The following VPS37A variants were observed in gnomAD, a reference collection of about 807,000 sequenced individuals.
The protein encoded by VPS37A is VPS37A subunit of ESCRT-I.
A neutral mutation model predicts 49.8 loss-of-function variants in VPS37A; 30 were observed. The ratio of observed to expected loss-of-function variants is 0.60; its 90% CI spans 0.45 to 0.82. VPS37A has a LOEUF of 0.82. Ranked by LOEUF, VPS37A falls within the 40% of genes least tolerant of loss-of-function variation. The pLI, the probability that VPS37A is intolerant of heterozygous loss-of-function variation, is 0.00. For synonymous variants in VPS37A, 195 were observed against 160.6 expected (o/e 1.21, Z -1.62); for missense variants, 593 against 464.4 (o/e 1.28, Z -2.55).
chr8:17,301,965 A>G, downstream of VPS37A: 2 of 622,086 alleles, frequency 3.2e-6, no homozygotes, highest in South Asian at 5.6e-5. Context: ...GATGTGTGAA[A>G]TGCATTAAAT....
chr8:17,271,947 A>G (rs1309352002), intron 4 of VPS37A: 1 of 455,362 alleles, frequency 2.2e-6, no homozygotes, highest in Admixed American at 2.4e-5. Context: ...CATCTTTCAT[A>G]TTTAGCAGTT....
the VPS37A span, among the ~76,000 whole-genome samples, chr8:17,307,462 G>A: frequency 6.6e-6 from 1 of 152,146 alleles, no homozygotes; most frequent in Non-Finnish European, 1.5e-5. Context: ...TTCAACCATT[G>A]TGGAAGTCAG....
At chr8:17,289,661 C>T (rs565213686) in intron 11 of VPS37A, among the ~76,000 whole-genome samples, 99 of 152,054 alleles carry the variant, frequency 6.5e-4, no homozygotes, top group Non-Finnish European at 1.1e-3. Flanking sequence ...TTGTTCTTTT[C>T]GCTGAGGATT....
Position 17,256,093 on chromosome 8 carries a change from T to G in VPS37A, c.125+8724T>G, listed in dbSNP as rs541285556. 9.2e-5 allele frequency among the ~76,000 whole-genome samples: 14 copies of G among 152,174 alleles called. No individual in the cohort carries two copies. The South Asian group carries it at 2.7e-3, about 29-fold the overall frequency. Reference sequence around the variant, plus strand: ...TCATATGGCAGTTTCATTTTTTTTTTCAAGGTTCTAAAGGTGCAGAGATAT... The same window carrying G: ...TCATATGGCAGTTTCATTTTTTTTTGCAAGGTTCTAAAGGTGCAGAGATAT... On this transcript the variant is annotated intron_variant, in intron 1 of 11. Transcript: ENST00000324849.
At chr8:17,305,872 A>G (rs139291603), downstream of VPS37A, 33 of 1,613,666 alleles carry the variant, frequency 2.0e-5, no homozygotes, top group African/African-American at 2.0e-4. Flanking sequence ...GCACAGGGAA[A>G]TTGTTCCATT....
chr8:17,310,581 C>T, the VPS37A span, among the ~76,000 whole-genome samples: 1 of 152,190 alleles, frequency 6.6e-6, no homozygotes, highest in Non-Finnish European at 1.5e-5. Context: ...GCCCTCCTGA[C>T]TTCAGTCCAG....
At chr8:17,251,059 G>A (rs1811928304) in intron 1 of VPS37A, among the ~76,000 whole-genome samples, 1 of 152,130 alleles carries the variant, frequency 6.6e-6, no homozygotes, top group African/African-American at 2.4e-5. Context: ...TGACTTTATG[G>A]ACACTGTTGG....
chr8:17,261,529 G>C (rs887082087), intron 1 of VPS37A, among the ~76,000 whole-genome samples: 1 of 152,246 alleles, frequency 6.6e-6, no homozygotes, highest in Non-Finnish European at 1.5e-5. Context: ...TGTTTCCTGC[G>C]GATGTGCGTC....
chr8:17,318,250 C>G, the VPS37A span, among the ~76,000 whole-genome samples: 141 of 152,170 alleles, frequency 9.3e-4, no homozygotes, highest in African/African-American at 3.2e-3. Context: ...TTATCATGCT[C>G]GGGCTGGGAA....
chr8:17,286,810 A>G (rs1036249393), intron 11 of VPS37A, among the ~76,000 whole-genome samples: 20 of 152,210 alleles, frequency 1.3e-4, no homozygotes, highest in South Asian at 4.2e-4. Context: ...CTCTTTCTCT[A>G]TCCCACACCA....
At chr8:17,259,016 C>T (rs1334634012) in intron 1 of VPS37A, among the ~76,000 whole-genome samples, 3 of 151,964 alleles carry the variant, frequency 2.0e-5, no homozygotes, top group Admixed American at 1.3e-4. Flanking sequence ...TAGCTAAAGG[C>T]TTGATGATTT....
intron 1 of VPS37A, 82 bp downstream of exon 1, chr8:17,247,451 G>T: frequency 4.0e-6 from 6 of 1,501,122 alleles, no homozygotes; most frequent in Non-Finnish European, 5.3e-6. Context: ...CAGCGCCTCA[G>T]TCTGCTCCCC....
downstream of VPS37A, chr8:17,304,328 C>A (rs1189699980): frequency 2.5e-6 from 4 of 1,586,478 alleles, no homozygotes; most frequent in Non-Finnish European, 3.5e-6. Flanking sequence ...TTAAACGGTA[C>A]CAGAATCCAA....
At chr8:17,281,024 T>G (rs1469191166) in intron 9 of VPS37A, among the ~76,000 whole-genome samples, 1 of 151,884 alleles carries the variant, frequency 6.6e-6, no homozygotes, top group East Asian at 1.9e-4. Context: ...TTAGGAACTT[T>G]GGGTAAAGTC....
At chr8:17,305,389 C>T (rs1044147695), downstream of VPS37A, among the ~76,000 whole-genome samples, 3 of 152,076 alleles carry the variant, frequency 2.0e-5, no homozygotes, top group African/African-American at 7.2e-5. Context: ...TTTATATTTG[C>T]TTTCCCAATT....
chr8:17,318,183 A>C, the VPS37A span, among the ~76,000 whole-genome samples: 3 of 152,120 alleles, frequency 2.0e-5, no homozygotes, highest in Non-Finnish European at 2.9e-5. Context: ...CTAGTCTCAC[A>C]CATGTTTGGG....
Position 17,284,517 on chromosome 8 carries a change from A to C in VPS37A, c.1014A>C (p.Ala338=). 6.3e-7 allele frequency: 1 copy of C among 1,598,934 alleles called. No homozygotes were observed. The highest frequency in any genetic ancestry group is 1.1e-5 in the South Asian group (1 of 87,602). ...SALQARLKVA[A]HEAEEESDNI... ...TTCAGGCAAGATTGAAAGTAGCTGC[A>C]CATGAAGCTGAGGAAGAATCTGATA... Residue 338 remains alanine (A), a synonymous_variant, in exon 10 of 12, where the codon GCA becomes GCC. Coordinates refer to ENST00000324849, the MANE Select transcript of VPS37A (RefSeq NM_152415.3).
intron 4 of VPS37A, chr8:17,272,021 C>A (rs1814041382): frequency 4.4e-6 from 2 of 456,646 alleles, no homozygotes; most frequent in African/African-American, 4.0e-5. Context: ...GCACCATCCG[C>A]ACTGCCTGGA....
At chr8:17,284,010 A>G (rs1815350584) in intron 9 of VPS37A, among the ~76,000 whole-genome samples, 1 of 152,136 alleles carries the variant, frequency 6.6e-6, no homozygotes, top group Admixed American at 6.5e-5. Flanking sequence ...AGCAGTGTCT[A>G]CAGTTTTCTG....
Sources: allele counts gnomAD v4.1 joint callset (sites outside exome capture counted in the v4.1 genomes callset), GRCh38; gene constraint gnomAD v4.1.1; transcripts MANE v1.5; gene names NCBI Gene and HGNC (gene_info 2026-07-23, HGNC 2026-07-21).